TNIP3: variants seen among roughly 807,000 people sequenced by gnomAD.
TNIP3 encodes the protein TNFAIP3 interacting protein 3.
In TNIP3, 34 loss-of-function variants were observed where a neutral mutation model predicts 54.1. That is an observed-to-expected ratio of 0.63 (90% CI 0.48 to 0.84). The LOEUF (loss-of-function observed/expected upper bound fraction) is 0.84. Among genes scored for constraint, TNIP3 ranks in the 40% least tolerant of loss-of-function variants. The pLI is 0.00. For synonymous variants in TNIP3, 134 were observed against 136.8 expected, an observed-to-expected ratio of 0.98 and a Z score of 0.14; for missense variants, 366 against 387.6, an observed-to-expected ratio of 0.94 and a Z score of 0.47.
intron 5 of TNIP3, among the ~76,000 whole-genome samples, chr4:121,151,227 T>C (rs1729729890): frequency 6.6e-6 from 1 of 152,196 alleles, no homozygotes. Flanking sequence ...AAAGGTTCAT[T>C]TTCAGAGATC....
At chr4:121,135,368 A>T (rs1342972885) in intron 10 of TNIP3, among the ~76,000 whole-genome samples, 1 of 151,924 alleles carries the variant, frequency 6.6e-6, no homozygotes, top group East Asian at 1.9e-4. Flanking sequence ...ACCTTTTCAA[A>T]TGCATGAAGT....
intron 3 of TNIP3, among the ~76,000 whole-genome samples, chr4:121,179,920 T>C (rs1212519951): frequency 1.3e-5 from 2 of 152,108 alleles, no homozygotes; most frequent in Admixed American, 1.3e-4. Context: ...GCACTCCATG[T>C]TTAGTAAGTA....
chr4:121,152,753 A>G (rs1729836427), intron 5 of TNIP3, among the ~76,000 whole-genome samples: 1 of 152,210 alleles, frequency 6.6e-6, no homozygotes. Flanking sequence ...AGATGGATAC[A>G]TAATATATGA....
intron 2 of TNIP3, among the ~76,000 whole-genome samples, chr4:121,160,364 A>G (rs1295166670): frequency 6.6e-6 from 1 of 152,088 alleles, no homozygotes. Flanking sequence ...CTGTAATCCC[A>G]GCTACTTGGG....
chr4:121,213,883 C>T (rs1055331761), intron 2 of TNIP3, among the ~76,000 whole-genome samples: 3 of 152,078 alleles, frequency 2.0e-5, no homozygotes, highest in Non-Finnish European at 4.4e-5. Flanking sequence ...AGTGGGACTG[C>T]TTTCATAATA....
intron 7 of TNIP3, among the ~76,000 whole-genome samples, chr4:121,145,233 G>A (rs1166271304): frequency 6.6e-6 from 1 of 152,124 alleles, no homozygotes; most frequent in African/African-American, 2.4e-5. Flanking sequence ...ATTTAACACA[G>A]ATCATCAAAC....
upstream of TNIP3, among the ~76,000 whole-genome samples, chr4:121,168,521 C>CTT (rs35307961): frequency 3.3e-3 from 442 of 132,336 alleles, 4 homozygotes; most frequent in Middle Eastern, 0.02. Flanking sequence ...CTTTTCTTTG[C>CTT]TTTTTTTTTT....
chr4:121,192,274 T>A (rs1257517104), intron 2 of TNIP3, among the ~76,000 whole-genome samples: 1 of 152,188 alleles, frequency 6.6e-6, no homozygotes, highest in Non-Finnish European at 1.5e-5. Context: ...AATAATGGAA[T>A]AAATTATTGA....
In TNIP3 at chr4:121,141,864, T is replaced by C. The variant is rs1295408916; in HGVS notation, c.837A>G (p.Pro279=). The C allele has an allele frequency of 4.4e-6, 7 of 1,601,572 alleles. No homozygotes were observed. Among genetic ancestry groups the C allele is most frequent in the East Asian group, 2.3e-5 (1 of 43,788 alleles). The change falls in exon 9 of 11, where the codon CCA becomes CCG. Residue 279 remains proline (P), a synonymous_variant. Transcript: ENST00000057513. The stretch of plus-strand genomic sequence containing the variant: ...CAGCTCCAGGGCCTGTTGGTACCCA[T>C]GGATCTTGCAGGTGGAAAACCAAGC... ...NCGLVFHLQD[P]WVPTGPGAVQ...
chr4:121,183,474 C>T (rs1304327801), intron 2 of TNIP3, among the ~76,000 whole-genome samples: 1 of 152,234 alleles, frequency 6.6e-6, no homozygotes, highest in Admixed American at 6.5e-5. Flanking sequence ...GAGCTTCCTA[C>T]TCAAATCAAA....
At chr4:121,188,403 G>C (rs1483344863) in intron 2 of TNIP3, among the ~76,000 whole-genome samples, 1 of 152,054 alleles carries the variant, frequency 6.6e-6, no homozygotes, top group Non-Finnish European at 1.5e-5. Flanking sequence ...TAATCTCTGT[G>C]AGCAGCCAGA....
At chr4:121,141,154 A>G (rs189091008) in intron 9 of TNIP3, among the ~76,000 whole-genome samples, 41 of 152,296 alleles carry the variant, frequency 2.7e-4, no homozygotes, top group African/African-American at 9.9e-4. Context: ...ATAAATTTCT[A>G]TCTATGTAGG....
chr4:121,222,853 T>C (rs1727093079), intron 1 of TNIP3, among the ~76,000 whole-genome samples: 1 of 131,236 alleles, frequency 7.6e-6, no homozygotes, highest in South Asian at 2.7e-4. Flanking sequence ...TCACCCAGGC[T>C]AGAGTGCAGT....
intron 2 of TNIP3, among the ~76,000 whole-genome samples, chr4:121,208,079 C>A (rs1237296483): frequency 2.0e-5 from 3 of 152,164 alleles, no homozygotes; most frequent in Non-Finnish European, 4.4e-5. Flanking sequence ...CCTTGCAGAA[C>A]TGTAAGTCCA....
upstream of TNIP3, among the ~76,000 whole-genome samples, chr4:121,166,390 T>C (rs989101599): frequency 1.3e-5 from 2 of 152,232 alleles, no homozygotes; most frequent in African/African-American, 4.8e-5. Flanking sequence ...TTCTGTTACA[T>C]ATGCTCTGTT....
intron 2 of TNIP3, among the ~76,000 whole-genome samples, chr4:121,159,774 G>A (rs1279828565): frequency 2.0e-5 from 3 of 152,216 alleles, no homozygotes; most frequent in Non-Finnish European, 4.4e-5. Flanking sequence ...CAGAAGAAGT[G>A]CTATGATATG....
chr4:121,174,207 G>T (rs368376766), intron 3 of TNIP3, among the ~76,000 whole-genome samples: 8 of 152,066 alleles, frequency 5.3e-5, no homozygotes, highest in African/African-American at 1.2e-4. Flanking sequence ...CGTATCTATA[G>T]ATTTAGACAC....
At chr4:121,195,347 A>G (rs1030452698) in intron 2 of TNIP3, among the ~76,000 whole-genome samples, 8 of 152,226 alleles carry the variant, frequency 5.3e-5, no homozygotes, top group Non-Finnish European at 1.0e-4. Flanking sequence ...CAACAGTGGT[A>G]TGAGCCTTGA....
chr4:121,218,918 G>A (rs1416714814), upstream of TNIP3, among the ~76,000 whole-genome samples: 2 of 152,146 alleles, frequency 1.3e-5, no homozygotes, highest in African/African-American at 4.8e-5. Context: ...CCACAGAAGT[G>A]GCCAGCCATG....
Sources: allele counts gnomAD v4.1 joint callset (sites outside exome capture counted in the v4.1 genomes callset), GRCh38; gene constraint gnomAD v4.1.1; transcripts MANE v1.5; gene names NCBI Gene and HGNC (gene_info 2026-07-23, HGNC 2026-07-21).